HEG1: variants seen among roughly 807,000 people sequenced by gnomAD.
HEG1 encodes heart development protein with EGF like domains 1.
In HEG1, 56 loss-of-function variants were observed where a neutral mutation model predicts 125.6. The ratio of observed to expected loss-of-function variants is 0.45; its 90% CI spans 0.36 to 0.56. The LOEUF (loss-of-function observed/expected upper bound fraction) is 0.56. Ranked by LOEUF, HEG1 falls within the 20% of genes least tolerant of loss-of-function variation. The probability of loss-of-function intolerance (pLI) is 0.00; values close to 1 mark genes in which losing one functional copy is unlikely to be tolerated. For missense variants in HEG1, 1,523 were observed against 1,670.0 expected (o/e 0.91, Z 1.53); for synonymous variants, 644 against 668.5 (o/e 0.96, Z 0.57).
intron 3 of HEG1, among the ~76,000 whole-genome samples, chr3:125,024,465 G>A (rs1020890411): frequency 3.9e-5 from 6 of 152,066 alleles, no homozygotes; most frequent in Admixed American, 6.6e-5. Context: ...TTCCCTGTTC[G>A]TTGCTTTGTT....
chr3:125,001,925 C>A lies in HEG1; in HGVS notation c.3444G>T (p.Gln1148His). 1.2e-6 allele frequency: 2 copies of A among 1,613,980 alleles called. No homozygotes were observed. The highest frequency in any genetic ancestry group is 1.7e-6 in the Non-Finnish European group (2 of 1,179,882). ...VTLFDLADRM[Q>H]KCVNSCKSSA... is the part of the protein sequence containing the mutation. ...AGGACTTGCAGGAGTTGACACATTT[C>A]TGCATCCTATCAGCCAGGTCAAATA... Residue 1148 changes from glutamine to histidine, a missense_variant, in exon 11 of 17, where the codon CAG becomes CAT. By Grantham distance (24) the Gln-to-His change is conservative (BLOSUM62 0). Transcript: ENST00000311127.
chr3:124,987,523 C>CCT (rs1936756365), intron 14 of HEG1, among the ~76,000 whole-genome samples: 1 of 136,190 alleles, frequency 7.3e-6, no homozygotes, highest in South Asian at 2.4e-4. Context: ...TTCTTTTTTT[C>CCT]TTTTTTTTTT....
At chr3:125,040,213 C>T (rs6414295) in intron 1 of HEG1, among the ~76,000 whole-genome samples, 152,067 of 152,352 alleles carry the variant, frequency 1, 75,894 homozygotes, top group Non-Finnish European at 1. Flanking sequence ...GATTTGGGAC[C>T]GTTGATTAGG....
intron 9 of HEG1, among the ~76,000 whole-genome samples, chr3:125,004,816 A>G (rs1053000475): frequency 6.6e-6 from 1 of 152,208 alleles, no homozygotes; most frequent in African/African-American, 2.4e-5. Context: ...ACCCTAGGAC[A>G]TCAGGATTAA....
chr3:125,012,912 T>C lies in HEG1; in HGVS notation c.2667A>G (p.Leu889=), dbSNP rs1937177505. 1.9e-6 allele frequency: 3 copies of C among 1,613,940 alleles called. No homozygotes were observed. The highest frequency in any genetic ancestry group is 2.7e-5 in the African/African-American group (2 of 74,944). ...KQLSLTHPEI[L]VPQISTEGGI... ...CACCTTCTGTTGAGATTTGAGGAAC[T>C]AGTATTTCAGGATGGGTCAGCGAGA... Residue 889 remains leucine (L), a synonymous_variant, in exon 6 of 17, where the codon CTA becomes CTG. Transcript: ENST00000311127.
rs1937923605 is a variant in HEG1 at position 125,055,735 on chromosome 3, C to T, written c.156G>A (p.Leu52=). Residue 52 remains leucine, a synonymous_variant, in exon 1 of 17, where the codon CTG becomes CTA. Coordinates refer to ENST00000311127, the MANE Select transcript of HEG1 (RefSeq NM_020733.2). ...LSLAPLAGAG[L]ELQLERRPER... ...CCGGGCGGCGCTCCAGCTGCAGCTCCAGCCCCGCTCCCGCGAGGGGCGCCA... is the reference window on the plus strand; with the variant it reads ...CCGGGCGGCGCTCCAGCTGCAGCTCTAGCCCCGCTCCCGCGAGGGGCGCCA... 3.9e-6 allele frequency: 4 copies of T among 1,035,526 alleles called. No individual in the cohort carries two copies. The South Asian group carries it at 1.8e-4, about 46-fold the overall frequency. 64.1% of individuals were successfully genotyped at this position (1,035,526 alleles called of 1,614,324 possible). A position where few individuals can be genotyped will look rare whatever the true frequency, so the allele number is the denominator to read the frequency against.
At position 124,968,430 on chromosome 3, in the gene HEG1, A is replaced by C. The variant is rs1413588585; in HGVS notation, c.*2222T>G. ...CCTTTTTTTCTCAGTTAGAACAACAAAATAAAACACTCTTAATCCACTCCA... is the reference window on the plus strand; with the variant it reads ...CCTTTTTTTCTCAGTTAGAACAACACAATAAAACACTCTTAATCCACTCCA... On this transcript the variant is annotated 3_prime_UTR_variant, in exon 17 of 17. Transcript: ENST00000311127. The C allele has an allele frequency of 6.6e-6, 1 of 152,218 alleles. No homozygotes were observed. Among genetic ancestry groups the C allele is most frequent in the Admixed American group, 6.5e-5 (1 of 15,280 alleles). The allele number at this position is 152,218 out of a possible 1,614,324, so 9.4% of individuals were successfully genotyped here.
chr3:125,050,251 C>T (rs752465378), intron 1 of HEG1, among the ~76,000 whole-genome samples: 1 of 150,566 alleles, frequency 6.6e-6, no homozygotes, highest in South Asian at 2.1e-4. Context: ...TCAAGCGATT[C>T]TCATGCCTCA....
chr3:124,974,020 T>C (rs1316927606), intron 15 of HEG1, 115 bp from the exon 16 acceptor site: 2 of 701,708 alleles, frequency 2.9e-6, no homozygotes, highest in East Asian at 5.4e-5. Flanking sequence ...TATATTTATT[T>C]GTAGCTGCCC....
chr3:125,049,520 C>G (rs951196562), intron 1 of HEG1, among the ~76,000 whole-genome samples: 3 of 152,220 alleles, frequency 2.0e-5, no homozygotes, highest in African/African-American at 4.8e-5. Flanking sequence ...TCCACATTCT[C>G]AACCATCCAC....
chr3:125,013,000 A>G lies in HEG1; in HGVS notation c.2579T>C (p.Leu860Pro). ...AGTGACCAGAGATGCTGTGCTTGAC[A>G]GGGTGCCAGGAGTGGTCATAAGAGG... The part of the protein sequence containing the change: ...SQPLMTTPGT[L>P]SSTASLVTGP... Residue 860 changes from leucine (L) to proline (P), a missense_variant, in exon 6 of 17, where the codon CTG (leucine) becomes CCG (proline). Transcript: ENST00000311127. 1 of 1,614,078 alleles carries G rather than the reference A, an allele frequency of 6.2e-7. No homozygotes were observed. Among genetic ancestry groups the G allele is most frequent in the Non-Finnish European group, 8.5e-7 (1 of 1,179,904 alleles).
Position 125,019,848 on chromosome 3 carries a change from G to A in HEG1, c.1253-251C>T, listed in dbSNP as rs538985615. On this transcript the variant is annotated intron_variant, in intron 4 of 16. Coordinates refer to ENST00000311127, the MANE Select transcript of HEG1 (RefSeq NM_020733.2). Reference sequence around the variant, plus strand: ...TGAAATAGCATGTGCAAGTAGCAAAGTAACCTATAGGCTTGAGTGTTTCAT... The same window carrying A: ...TGAAATAGCATGTGCAAGTAGCAAAATAACCTATAGGCTTGAGTGTTTCAT... 1.8e-3 allele frequency among the ~76,000 whole-genome samples: 275 copies of A among 152,338 alleles called. 1 individual carries two copies. Among genetic ancestry groups the A allele is most frequent in the Non-Finnish European group, 3.2e-3 (215 of 68,028 alleles).
intron 16 of HEG1, chr3:124,971,072 C>A: frequency 1.8e-6 from 1 of 551,018 alleles, no homozygotes; most frequent in East Asian, 4.4e-5. Context: ...CATCTAGTTG[C>A]AGGTGGAGTT....
chr3:124,995,115 A>G (rs1465307789), intron 12 of HEG1, among the ~76,000 whole-genome samples: 1 of 152,110 alleles, frequency 6.6e-6, no homozygotes, highest in Admixed American at 6.5e-5. Context: ...ACTCGGCAAC[A>G]TGGCAAAAGC....
intron 14 of HEG1, among the ~76,000 whole-genome samples, chr3:124,984,595 CTAAAAA>C (rs1936709298): frequency 1.3e-5 from 2 of 151,984 alleles, no homozygotes; most frequent in African/African-American, 4.8e-5. Context: ...CCTGCCTCTA[CTAAAAA>C]TACAAAAAGT....
intron 9 of HEG1, among the ~76,000 whole-genome samples, chr3:125,003,162 G>C (rs900536792): frequency 2.6e-5 from 4 of 152,128 alleles, no homozygotes; most frequent in Non-Finnish European, 5.9e-5. Context: ...TCCAGGTTTG[G>C]TAAACAGAAC....
rs572960054 is a variant in HEG1, at chr3:124,996,156, C to A, written c.3652+1533G>T. ...CAGTGGTGCAATGGTGTGATTTCGG[C>A]TCACTGCAACCTCCACTCCCCGGGT... On this transcript the variant is annotated intron_variant, in intron 12 of 16. Coordinates refer to ENST00000311127, the MANE Select transcript of HEG1 (RefSeq NM_020733.2). 2.6e-5 allele frequency among the ~76,000 whole-genome samples: 4 copies of A among 151,956 alleles called. No individual in the cohort carries two copies. The East Asian group carries it at 7.7e-4, about 29-fold the overall frequency.
intron 8 of HEG1, among the ~76,000 whole-genome samples, chr3:125,007,678 A>T (rs372027493): frequency 9.2e-5 from 14 of 152,326 alleles, no homozygotes; most frequent in African/African-American, 2.6e-4. Flanking sequence ...GACAGATGGT[A>T]ATCTGATTTT....
chr3:125,001,958 A>G lies in HEG1; in HGVS notation c.3411T>C (p.Asn1137=), dbSNP rs1228412823. ...SLQTTFSLAS[N]VTLFDLADRM... is the part of the protein sequence containing the mutation. ...TATCAGCCAGGTCAAATAGCGTCAC[A>G]TTGGAGGCCAGGGAAAAGGTTGTTT... The change falls in exon 11 of 17, where the codon AAT becomes AAC. Residue 1137 remains asparagine (N), a synonymous_variant. Transcript: ENST00000311127. 2.5e-6 allele frequency: 4 copies of G among 1,614,038 alleles called. No homozygotes were observed. Among genetic ancestry groups the G allele is most frequent in the Non-Finnish European group, 2.5e-6 (3 of 1,179,890 alleles).
Sources: allele counts gnomAD v4.1 joint callset (sites outside exome capture counted in the v4.1 genomes callset), GRCh38; gene constraint gnomAD v4.1.1; transcripts MANE v1.5; gene names NCBI Gene and HGNC (gene_info 2026-07-23, HGNC 2026-07-21).